The following ANKRD27 variants were observed in gnomAD, a reference collection of about 807,000 sequenced individuals.
ANKRD27 encodes ankyrin repeat domain-containing protein 27.
Under a neutral mutation model 129.7 loss-of-function variants are expected in ANKRD27, and 112 were observed. The observed-to-expected ratio is 0.86, with a 90% CI of 0.74 to 1.01. ANKRD27 has a LOEUF of 1.01. Among genes scored for constraint, ANKRD27 ranks in the 50% least tolerant of loss-of-function variants. ANKRD27 has a pLI of 0.00. For missense variants in ANKRD27, 1,258 were observed against 1,300.5 expected (o/e 0.97, Z 0.50); for synonymous variants, 516 against 511.2 (o/e 1.01, Z -0.13).
At chr19:32,653,156 G>A (rs901263528) in intron 2 of ANKRD27, among the ~76,000 whole-genome samples, 5 of 152,180 alleles carry the variant, frequency 3.3e-5, no homozygotes, top group African/African-American at 7.2e-5. Context: ...AACCTGGCAC[G>A]GTGCCTGGCG....
intron 12 of ANKRD27, 88 bp downstream of exon 12, chr19:32,639,268 A>T: frequency 6.6e-7 from 1 of 1,511,238 alleles, no homozygotes; most frequent in South Asian, 1.2e-5. Flanking sequence ...CAATTTAAGA[A>T]TCCGTCTGCC....
chr19:32,599,648 T>G, intron 28 of ANKRD27, 56 bp downstream of exon 28: 4 of 1,531,740 alleles, frequency 2.6e-6, no homozygotes. Context: ...ATGGATTACT[T>G]TTGACAAAGC....
At chr19:32,630,250 G>A (rs1331699726) in intron 13 of ANKRD27, among the ~76,000 whole-genome samples, 1 of 152,194 alleles carries the variant, frequency 6.6e-6, no homozygotes, top group African/African-American at 2.4e-5. Flanking sequence ...TCATTCCCCA[G>A]GACCCACTCT....
rs745815147 is a variant in ANKRD27 at position 32,644,472 on chromosome 19, AG to A, written c.377del (p.Pro126LeufsTer10). The A allele has an allele frequency of 1.9e-6, 3 of 1,613,100 alleles. No individual in the cohort carries two copies. The highest frequency in any genetic ancestry group is 2.5e-6 in the Non-Finnish European group (3 of 1,179,368). ...GGGAAAAGGGATCTGAGGGTGCCAA[AG>A]GCTCTTCTGAAAAAGAAACAAACAG... ...PLEKRESSEEPLAPSDPFSLK... is the reference protein window; with the variant it reads ...PLEKRESSEEXLAPSDPFSLK... On this transcript the variant is annotated frameshift_variant, in exon 5 of 29. Transcript: ENST00000306065. LOFTEE classifies it high-confidence loss of function.
In ANKRD27 at chr19:32,628,148, G is replaced by GAA; in HGVS notation, c.1354_1355insTT (p.Ser452PhefsTer39). 6.2e-7 allele frequency: 1 copy of GAA among 1,614,152 alleles called. No individual in the cohort carries two copies. Among genetic ancestry groups the GAA allele is most frequent in the Non-Finnish European group, 8.5e-7 (1 of 1,179,962 alleles). Reference sequence around the variant, plus strand: ...GTCTCTGGAGAATGGAGTGACAACTGAGGGATCATTCAACCTCCTAAAATA... The same window carrying GAA: ...GTCTCTGGAGAATGGAGTGACAACTGAAAGGGATCATTCAACCTCCTAAAATA... On this transcript the variant is annotated frameshift_variant, in exon 15 of 29. Transcript: ENST00000306065. LOFTEE classifies it high-confidence loss of function.
chr19:32,597,016 TA>T lies in ANKRD27; in HGVS notation c.*1128del, dbSNP rs1413668242. The T allele has an allele frequency of 6.6e-6, 1 of 152,644 alleles. No homozygotes were observed. Among genetic ancestry groups the T allele is most frequent in the Non-Finnish European group, 1.5e-5 (1 of 68,034 alleles). 9.5% of individuals were successfully genotyped at this position (152,644 alleles called of 1,614,324 possible). Reference sequence around the variant, plus strand: ...AATACCATGACACAGTCAAGAATCATAAAGTTTACTGTTTCTTTTCCATCAT... The same window carrying T: ...AATACCATGACACAGTCAAGAATCATAAGTTTACTGTTTCTTTTCCATCAT... On this transcript the variant is annotated 3_prime_UTR_variant, in exon 29 of 29. Coordinates refer to ENST00000306065, the MANE Select transcript of ANKRD27 (RefSeq NM_032139.3).
At chr19:32,659,071 G>C (rs1967597819) in intron 1 of ANKRD27, 26 bp from the exon 2 acceptor site, 2 of 1,232,012 alleles carry the variant, frequency 1.6e-6, no homozygotes, top group Admixed American at 1.7e-5. Flanking sequence ...GAAAAGCAGT[G>C]AATAGCCATT....
At chr19:32,650,753 T>A (rs201367856) in intron 2 of ANKRD27, among the ~76,000 whole-genome samples, 10 of 141,746 alleles carry the variant, frequency 7.1e-5, no homozygotes, top group East Asian at 6.1e-4. Flanking sequence ...CGCTTTTATT[T>A]ATTTTTTTTT....
intron 24 of ANKRD27, 23 bp downstream of exon 24, chr19:32,605,812 T>C (rs7248845): frequency 0.14 from 225,700 of 1,609,714 alleles, 18,687 homozygotes; most frequent in African/African-American, 0.33. Context: ...GTGTGTAGAA[T>C]GAGGACAGGA....
chr19:32,633,229 TG>T (rs1433193512), intron 12 of ANKRD27, among the ~76,000 whole-genome samples: 1 of 151,772 alleles, frequency 6.6e-6, no homozygotes, highest in Non-Finnish European at 1.5e-5. Flanking sequence ...ACTAAAGAAA[TG>T]GGTAAATCCT....
At chr19:32,633,541 C>T (rs999846695) in intron 12 of ANKRD27, among the ~76,000 whole-genome samples, 4 of 151,352 alleles carry the variant, frequency 2.6e-5, no homozygotes, top group Admixed American at 1.3e-4. Flanking sequence ...CCAGGCTGGT[C>T]TCGAACTCCT....
chr19:32,604,499 T>A (rs1971701308), intron 24 of ANKRD27, 75 bp from the exon 25 acceptor site: 3 of 1,401,404 alleles, frequency 2.1e-6, no homozygotes, highest in Non-Finnish European at 2.9e-6. Context: ...GGTATACAGG[T>A]ATTCGCTATA....
rs769667067 is a variant in ANKRD27, at chr19:32,605,954, C to T, written c.2374G>A (p.Val792Met). The T allele has an allele frequency of 6.2e-7, 1 of 1,612,892 alleles. No individual in the cohort carries two copies. Among genetic ancestry groups the T allele is most frequent in the Non-Finnish European group, 8.5e-7 (1 of 1,179,482 alleles). Residue 792 changes from valine to methionine, a missense_variant and splice_region_variant, in exon 24 of 29, where the codon GTG becomes ATG. Coordinates refer to ENST00000306065, the MANE Select transcript of ANKRD27 (RefSeq NM_032139.3). ...TTCGAATCTAACAGACACTTCACCA[C>T]CTGGGCCAGAGAAGGAAAACGTGCA... is the stretch of plus-strand genomic sequence containing the variant. The part of the protein sequence containing the change: ...HLACQQGHFQ[V>M]VKCLLDSNAK...
chr19:32,651,528 C>G (rs1425904350), intron 2 of ANKRD27, among the ~76,000 whole-genome samples: 1 of 152,150 alleles, frequency 6.6e-6, no homozygotes, highest in African/African-American at 2.4e-5. Flanking sequence ...CGCCACCACA[C>G]CCGGCTAATT....
intron 12 of ANKRD27, among the ~76,000 whole-genome samples, chr19:32,632,980 C>T (rs1195650654): frequency 6.6e-6 from 1 of 152,214 alleles, no homozygotes; most frequent in Non-Finnish European, 1.5e-5. Flanking sequence ...AGAGGCACTT[C>T]TGCCCCCAGC....
rs775033224 is a variant in ANKRD27, at chr19:32,639,453, A to T, written c.1019T>A (p.Phe340Tyr). 1 of 1,613,734 alleles carries T rather than the reference A, an allele frequency of 6.2e-7. No individual in the cohort carries two copies. Among genetic ancestry groups the T allele is most frequent in the African/African-American group, 1.3e-5 (1 of 74,930 alleles). ...CAGTTCATCCTTTGCCAAGCTGCTA[A>T]ACCTGAAGTTTTTGATGTAACTCAA... ...ANLSYIKNFR[F>Y]SSLAKDELGY... Residue 340 changes from phenylalanine (F) to tyrosine (Y), a missense_variant, in exon 12 of 29, where the codon TTT becomes TAT. Coordinates refer to ENST00000306065, the MANE Select transcript of ANKRD27 (RefSeq NM_032139.3).
At position 32,642,107 on chromosome 19, in the gene ANKRD27, A is replaced by G; in HGVS notation, c.821T>C (p.Leu274Pro). ...IPRAKRELAQ[L>P]NKCTSPQQKL... is the part of the protein sequence containing the mutation. Reference sequence around the variant, plus strand: ...CTGCTGTGGGGAGGTGCATTTGTTCAGCTGAGCCAGCTCTCTTTTGGCACG... The same window carrying G: ...CTGCTGTGGGGAGGTGCATTTGTTCGGCTGAGCCAGCTCTCTTTTGGCACG... The change falls in exon 10 of 29, where the codon CTG (leucine) becomes CCG (proline). Residue 274 changes from leucine to proline, a missense_variant. By Grantham distance (98) the Leu-to-Pro change is moderately conservative. Coordinates refer to ENST00000306065, the MANE Select transcript of ANKRD27 (RefSeq NM_032139.3). 6.2e-7 allele frequency: 1 copy of G among 1,609,642 alleles called. No homozygotes were observed. Among genetic ancestry groups the G allele is most frequent in the East Asian group, 2.2e-5 (1 of 44,752 alleles).
intron 2 of ANKRD27, 112 bp downstream of exon 2, chr19:32,658,801 TG>T: frequency 1.1e-6 from 1 of 925,676 alleles, no homozygotes; most frequent in Non-Finnish European, 1.7e-6. Flanking sequence ...AGCACACTGC[TG>T]GGAGCTTGTT....
rs557842132 is a variant in ANKRD27, at chr19:32,630,965, T to C, written c.1209+437A>G. ...AAATTTAAAACCTCAGCATTCCTAC[T>C]GCCCATTCTGAGCACAGAATGGAAC... On this transcript the variant is annotated intron_variant, in intron 13 of 28. Transcript: ENST00000306065. Among the ~76,000 whole-genome samples, 48 of 151,942 alleles carry C rather than the reference T, an allele frequency of 3.2e-4. 1 individual carries two copies. In the South Asian group the frequency reaches 1.0e-2, roughly 32 times the overall value.
Sources: gnomAD v4.1 joint callset for allele counts (sites outside exome capture counted in the v4.1 genomes callset) on GRCh38, gnomAD v4.1.1 for gene constraint, MANE v1.5 for transcripts, NCBI Gene and HGNC (gene_info 2026-07-23, HGNC 2026-07-21) for gene names.